SACM1L: variants seen among roughly 807,000 people sequenced by gnomAD.
SACM1L encodes the protein phosphatidylinositol-3-phosphatase SAC1.
A neutral mutation model predicts 89.5 loss-of-function variants in SACM1L; 32 were observed. That is an observed-to-expected ratio of 0.36 (90% CI 0.27 to 0.48). The LOEUF (loss-of-function observed/expected upper bound fraction) is 0.48, where lower values mean the gene tolerates loss of function less well. Ranked by LOEUF, SACM1L falls within the 20% of genes least tolerant of loss-of-function variation. SACM1L has a pLI of 0.99. For missense variants in SACM1L, 543 were observed against 708.5 expected (o/e 0.77, Z 2.65); for synonymous variants, 213 against 232.8 (o/e 0.92, Z 0.77).
At chr3:45,711,240 G>GC (rs1698521095) in intron 5 of SACM1L, among the ~76,000 whole-genome samples, 1 of 152,158 alleles carries the variant, frequency 6.6e-6, no homozygotes, top group African/African-American at 2.4e-5. Flanking sequence ...GTGACAGTGG[G>GC]CCGGGGGGTT....
chr3:45,723,950 GCA>G (rs762724452), intron 11 of SACM1L, among the ~76,000 whole-genome samples: 16 of 117,336 alleles, frequency 1.4e-4, no homozygotes, highest in African/African-American at 4.2e-4. Flanking sequence ...ATGCATATAT[GCA>G]CACACACACA....
chr3:45,731,074 C>G (rs944098386), intron 11 of SACM1L, among the ~76,000 whole-genome samples: 1 of 152,176 alleles, frequency 6.6e-6, no homozygotes. Context: ...AACTTTCCCA[C>G]CATTTTGAAA....
chr3:45,738,020 T>A (rs1699240237), intron 16 of SACM1L, among the ~76,000 whole-genome samples, 176 bp downstream of exon 16: 1 of 152,152 alleles, frequency 6.6e-6, no homozygotes, highest in Non-Finnish European at 1.5e-5. Flanking sequence ...CGGGTACTGG[T>A]GTGTTCTTAG....
intron 1 of SACM1L, among the ~76,000 whole-genome samples, chr3:45,695,183 T>G (rs569769552): frequency 6.6e-6 from 1 of 152,254 alleles, no homozygotes; most frequent in South Asian, 2.1e-4. Flanking sequence ...TTCTTTTTGC[T>G]CACCAAACCT....
Position 45,732,271 on chromosome 3 carries a change from G to A in SACM1L, c.1100+120G>A, listed in dbSNP as rs1040887665. ...TTCACTGGATTGTCATTGCTTGTCTGTACTATTTTATTATTTTTAATTTCT... is the reference window on the plus strand; with the variant it reads ...TTCACTGGATTGTCATTGCTTGTCTATACTATTTTATTATTTTTAATTTCT... On this transcript the variant is annotated intron_variant, in intron 13 of 19. Transcript: ENST00000389061. 42 of 467,512 alleles carry A rather than the reference G, an allele frequency of 9.0e-5. No homozygotes were observed. In the Admixed American group the frequency reaches 1.5e-3, roughly 17 times the overall value. The allele number at this position is 467,512 out of a possible 1,614,324, so 29.0% of individuals were successfully genotyped here.
At chr3:45,722,686 C>A (rs1305295501) in intron 9 of SACM1L, among the ~76,000 whole-genome samples, 183 bp from the exon 10 acceptor site, 1 of 152,116 alleles carries the variant, frequency 6.6e-6, no homozygotes, top group Admixed American at 6.5e-5. Context: ...AGAAAAAGTT[C>A]TAAATGTTTT....
intron 9 of SACM1L, among the ~76,000 whole-genome samples, chr3:45,722,342 G>C (rs1698807714): frequency 6.6e-6 from 1 of 151,926 alleles, no homozygotes; most frequent in African/African-American, 2.4e-5. Context: ...TGGAAATGGA[G>C]CCATCTGTCT....
intron 1 of SACM1L, among the ~76,000 whole-genome samples, chr3:45,701,745 G>A (rs761884092): frequency 1.3e-5 from 2 of 152,100 alleles, no homozygotes; most frequent in Admixed American, 6.5e-5. Flanking sequence ...ACCCTGAAAC[G>A]TTTCCTCGTG....
intron 1 of SACM1L, among the ~76,000 whole-genome samples, chr3:45,691,056 TAAAAC>T (rs1381339967): frequency 2.6e-5 from 4 of 152,218 alleles, no homozygotes; most frequent in East Asian, 3.8e-4. Flanking sequence ...GTTCAGACCT[TAAAAC>T]AAACCCAAAT....
At chr3:45,709,274 A>G (rs1415180872) in intron 4 of SACM1L, among the ~76,000 whole-genome samples, 2 of 152,190 alleles carry the variant, frequency 1.3e-5, no homozygotes, top group African/African-American at 4.8e-5. Flanking sequence ...GTCCTACCTA[A>G]TCAAGTTACC....
intron 6 of SACM1L, chr3:45,713,687 G>A (rs751439690): frequency 5.3e-5 from 9 of 169,230 alleles, no homozygotes; most frequent in Non-Finnish European, 1.1e-4. Context: ...GTGTCTAATT[G>A]CTTTATTTCT....
chr3:45,708,071 T>TA (rs574355281), intron 4 of SACM1L, among the ~76,000 whole-genome samples: 2 of 152,158 alleles, frequency 1.3e-5, no homozygotes, highest in Non-Finnish European at 2.9e-5. Context: ...ATCTATAACT[T>TA]ACAATAGAGT....
intron 11 of SACM1L, among the ~76,000 whole-genome samples, chr3:45,727,902 TTATTATA>T (rs1350033515): frequency 1.2e-4 from 19 of 152,210 alleles, no homozygotes. Flanking sequence ...GCCTCTACTA[TTATTATA>T]TAATTTTCTG....
chr3:45,713,311 C>A, intron 6 of SACM1L, 115 bp downstream of exon 6: 2 of 783,218 alleles, frequency 2.6e-6, no homozygotes, highest in Non-Finnish European at 4.1e-6. Context: ...TCTAATTTAA[C>A]TGTTTATAAC....
At chr3:45,720,990 A>G (rs1326231605) in intron 8 of SACM1L, among the ~76,000 whole-genome samples, 1 of 152,270 alleles carries the variant, frequency 6.6e-6, no homozygotes, top group Non-Finnish European at 1.5e-5. Flanking sequence ...TTGCTTAGCA[A>G]GCGTTTCTTT....
chr3:45,710,170 A>G (rs547052112), intron 5 of SACM1L, among the ~76,000 whole-genome samples: 15 of 152,118 alleles, frequency 9.9e-5, no homozygotes, highest in African/African-American at 3.4e-4. Flanking sequence ...TAGAACTTGG[A>G]AAATATCCTT....
chr3:45,738,146 C>G (rs1040327293), intron 16 of SACM1L, among the ~76,000 whole-genome samples: 8 of 152,172 alleles, frequency 5.3e-5, no homozygotes, highest in Admixed American at 2.0e-4. Flanking sequence ...AAAAAGCACC[C>G]AGGTGATGCT....
At chr3:45,699,888 C>T (rs1177268165) in intron 1 of SACM1L, among the ~76,000 whole-genome samples, 1 of 152,056 alleles carries the variant, frequency 6.6e-6, no homozygotes, top group Non-Finnish European at 1.5e-5. Flanking sequence ...GACTTTTGTG[C>T]TCTTATAAAC....
At chr3:45,700,672 A>T (rs1170853251) in intron 1 of SACM1L, among the ~76,000 whole-genome samples, 2 of 151,928 alleles carry the variant, frequency 1.3e-5, no homozygotes, top group Non-Finnish European at 2.9e-5. Context: ...TACTTTAATT[A>T]TTTTTTTGAG....
Sources: gnomAD v4.1 joint callset for allele counts (sites outside exome capture counted in the v4.1 genomes callset) on GRCh38, gnomAD v4.1.1 for gene constraint, MANE v1.5 for transcripts, NCBI Gene and HGNC (gene_info 2026-07-23, HGNC 2026-07-21) for gene names.